Variants in FRMD6 observed in about 807,000 individuals in gnomAD.
FRMD6 encodes FERM domain containing 6, also known as FERM domain-containing protein 6.
In FRMD6, 37 loss-of-function variants were observed where a neutral mutation model predicts 73.2. That is an observed-to-expected ratio of 0.51 (90% CI 0.39 to 0.66). FRMD6 has a LOEUF of 0.66. Ranked by LOEUF, FRMD6 falls within the 30% of genes least tolerant of loss-of-function variation. FRMD6 has a pLI of 0.00. For synonymous variants in FRMD6, 273 were observed against 282.2 expected, an observed-to-expected ratio of 0.97 and a Z score of 0.33; for missense variants, 714 against 780.5, an observed-to-expected ratio of 0.91 and a Z score of 1.02.
the FRMD6 span, chr14:51,436,579 A>G: frequency 9.6e-6 from 6 of 627,164 alleles, no homozygotes; most frequent in Non-Finnish European, 1.7e-5. Context: ...TTGACAAAAC[A>G]TTCAAGTTAA....
rs1037156374 is a variant in FRMD6, at chr14:51,695,950, A to G, written c.100-2192A>G. ...TCTTTATTTTCCTAATCTGAGTTTC[A>G]TATTAAGATATGATAAAGTCATTAA... On this transcript the variant is annotated intron_variant, in intron 2 of 13. Transcript: ENST00000344768. 7.0e-4 allele frequency among the ~76,000 whole-genome samples: 106 copies of G among 152,134 alleles called. 2 individuals are homozygous for G. Among genetic ancestry groups the G allele is most frequent in the Non-Finnish European group, 1.9e-4 (13 of 68,016 alleles).
At chr14:51,469,410 G>A in the FRMD6 span, among the ~76,000 whole-genome samples, 2 of 149,926 alleles carry the variant, frequency 1.3e-5, no homozygotes, top group East Asian at 2.0e-4. Context: ...TCAGCAGATC[G>A]AGACAATCCT....
chr14:51,549,891 G>A (rs995941649), intron 1 of FRMD6, among the ~76,000 whole-genome samples: 6 of 152,146 alleles, frequency 3.9e-5, no homozygotes, highest in Non-Finnish European at 7.4e-5. Context: ...CACCGCGCCC[G>A]GCCAGCTGGA....
chr14:51,403,976 A>G, the FRMD6 span, among the ~76,000 whole-genome samples: 3 of 152,212 alleles, frequency 2.0e-5, no homozygotes, highest in Non-Finnish European at 4.4e-5. Flanking sequence ...AATTTATTAG[A>G]AAGTGCCAAA....
intron 10 of FRMD6, among the ~76,000 whole-genome samples, chr14:51,718,487 T>G (rs532882432): frequency 9.0e-4 from 137 of 152,388 alleles, no homozygotes; most frequent in African/African-American, 3.2e-3. Flanking sequence ...TCTCTTCACT[T>G]GCCACTCATC....
the FRMD6 span, among the ~76,000 whole-genome samples, chr14:51,467,682 C>A: frequency 2.0e-5 from 3 of 151,906 alleles, no homozygotes; most frequent in African/African-American, 7.2e-5. Flanking sequence ...CTCCTCAGTT[C>A]CCAGATGGGG....
chr14:51,686,214 G>T (rs1895139982), intron 1 of FRMD6, among the ~76,000 whole-genome samples: 1 of 152,088 alleles, frequency 6.6e-6, no homozygotes, highest in Admixed American at 6.6e-5. Context: ...TGCAAAGGTG[G>T]TATAGAGAGT....
At chr14:51,676,158 A>G (rs771080180) in intron 1 of FRMD6, among the ~76,000 whole-genome samples, 9 of 152,132 alleles carry the variant, frequency 5.9e-5, no homozygotes, top group Non-Finnish European at 1.0e-4. Context: ...CCACGGTCCT[A>G]CAGCTGACTG....
At chr14:51,594,086 C>T (rs993958884) in intron 2 of FRMD6, among the ~76,000 whole-genome samples, 1 of 152,030 alleles carries the variant, frequency 6.6e-6, no homozygotes, top group Non-Finnish European at 1.5e-5. Flanking sequence ...TTCTTATACC[C>T]CCTCCAGAGA....
the FRMD6 span, among the ~76,000 whole-genome samples, chr14:51,400,649 A>G: frequency 6.6e-6 from 1 of 152,208 alleles, no homozygotes; most frequent in African/African-American, 2.4e-5. Context: ...ATAAAAAACT[A>G]TAACAGCATA....
intron 2 of FRMD6, among the ~76,000 whole-genome samples, chr14:51,631,129 G>A (rs957858395): frequency 2.0e-5 from 3 of 152,044 alleles, no homozygotes; most frequent in Non-Finnish European, 4.4e-5. Flanking sequence ...GAGAAACTGA[G>A]AAGTTCCAGA....
At chr14:51,530,732 C>T (rs1885534865) in intron 1 of FRMD6, among the ~76,000 whole-genome samples, 1 of 152,030 alleles carries the variant, frequency 6.6e-6, no homozygotes, top group Non-Finnish European at 1.5e-5. Flanking sequence ...AGTGGTTCAC[C>T]TGCTTCAGCC....
intron 1 of FRMD6, among the ~76,000 whole-genome samples, chr14:51,664,640 C>T (rs527637540): frequency 1.5e-4 from 23 of 152,258 alleles, no homozygotes; most frequent in African/African-American, 2.4e-4. Flanking sequence ...CCGGAAAGGG[C>T]GAAGACTTTC....
intron 2 of FRMD6, among the ~76,000 whole-genome samples, chr14:51,695,202 G>A (rs1249910379): frequency 6.6e-6 from 1 of 152,124 alleles, no homozygotes; most frequent in Non-Finnish European, 1.5e-5. Flanking sequence ...AGGATTAAAG[G>A]TGCTGTAAAC....
At chr14:51,705,660 T>C (rs1465087054) in intron 6 of FRMD6, among the ~76,000 whole-genome samples, 1 of 152,092 alleles carries the variant, frequency 6.6e-6, no homozygotes, top group East Asian at 1.9e-4. Flanking sequence ...CTTGAAGAGG[T>C]AGTGTGTATT....
chr14:51,725,931 T>C (rs1897930425), intron 13 of FRMD6, 61 bp downstream of exon 13: 1 of 1,191,416 alleles, frequency 8.4e-7, no homozygotes, highest in African/African-American at 1.5e-5. Flanking sequence ...TTTTAAGTAG[T>C]AACTTACATT....
intron 2 of FRMD6, among the ~76,000 whole-genome samples, chr14:51,642,732 A>G (rs913699485): frequency 1.3e-5 from 2 of 152,234 alleles, no homozygotes; most frequent in African/African-American, 4.8e-5. Flanking sequence ...GGCCTAGGGC[A>G]TGGTGAGATG....
chr14:51,472,811 C>G, the FRMD6 span, among the ~76,000 whole-genome samples: 1 of 152,174 alleles, frequency 6.6e-6, no homozygotes. Flanking sequence ...AGTACTCAAG[C>G]ACTGAGGCGC....
chr14:51,608,078 CCACA>C (rs1890338190), intron 2 of FRMD6, among the ~76,000 whole-genome samples: 1 of 152,178 alleles, frequency 6.6e-6, no homozygotes, highest in Non-Finnish European at 1.5e-5. Flanking sequence ...TTACTCTCTC[CCACA>C]CAGCTTTTTC....
Sources: gnomAD v4.1 joint callset for allele counts (sites outside exome capture counted in the v4.1 genomes callset) on GRCh38, gnomAD v4.1.1 for gene constraint, MANE v1.5 for transcripts, NCBI Gene and HGNC (gene_info 2026-07-23, HGNC 2026-07-21) for gene names.